Variants in KDM2B observed in about 807,000 individuals in gnomAD.
KDM2B encodes lysine demethylase 2B, also known as lysine-specific demethylase 2B.
Under a neutral mutation model 150.0 loss-of-function variants are expected in KDM2B, and 26 were observed. That is an observed-to-expected ratio of 0.17 (90% CI 0.13 to 0.24). KDM2B has a LOEUF of 0.24. Ranked by LOEUF, KDM2B falls within the 10% of genes least tolerant of loss-of-function variation. KDM2B has a pLI of 1.00. For synonymous variants in KDM2B, 734 were observed against 729.5 expected, an observed-to-expected ratio of 1.01 and a Z score of -0.10; for missense variants, 1,265 against 1,816.9, an observed-to-expected ratio of 0.70 and a Z score of 5.52.
intron 8 of KDM2B, among the ~76,000 whole-genome samples, chr12:121,527,478 C>G (rs1318313703): frequency 6.7e-6 from 1 of 149,598 alleles, no homozygotes; most frequent in Admixed American, 6.6e-5. Flanking sequence ...CGGTGAAACC[C>G]CGTCTCTACT....
At chr12:121,530,904 G>A (rs1159318079) in intron 8 of KDM2B, among the ~76,000 whole-genome samples, 3 of 152,098 alleles carry the variant, frequency 2.0e-5, no homozygotes, top group African/African-American at 4.8e-5. Context: ...GGGGTTGGGA[G>A]GGAACTTGAG....
intron 11 of KDM2B, 73 bp downstream of exon 11, chr12:121,509,494 T>G: frequency 6.4e-7 from 1 of 1,563,094 alleles, no homozygotes; most frequent in East Asian, 2.2e-5. Context: ...TGAGCTGAGC[T>G]GCACGTGTCA....
At chr12:121,505,836 A>G (rs1375256841) in intron 11 of KDM2B, among the ~76,000 whole-genome samples, 1 of 152,180 alleles carries the variant, frequency 6.6e-6, no homozygotes, top group East Asian at 1.9e-4. Context: ...GAATTGTCTC[A>G]GACCCATATT....
Position 121,442,656 on chromosome 12 carries a change from C to T in KDM2B, c.2785G>A (p.Glu929Lys), listed in dbSNP as rs1875342439. 6.2e-7 allele frequency: 1 copy of T among 1,605,170 alleles called. No individual in the cohort carries two copies. The highest frequency in any genetic ancestry group is 1.1e-5 in the South Asian group (1 of 90,408). Residue 929 changes from glutamate (E) to lysine (K), a missense_variant, in exon 19 of 23, where the codon GAG (glutamate) becomes AAG (lysine). This residue lies in a region of KDM2B where 418 missense variants were observed against 402.4 expected (regional missense o/e 1.04). Coordinates refer to ENST00000377071, the MANE Select transcript of KDM2B (RefSeq NM_032590.5). The surrounding 1 kb of genome is among the most constrained non-coding windows in gnomAD (Gnocchi z 7.7). ...CGGCGCATCTTCACCTTCTTCTTCT[C>T]CTCCGGGCCCTCGGCCCCTTCGGTG... ...PSTEGAEGPE[E>K]KKKVKMRRKR...
chr12:121,413,085 G>A, the KDM2B span, among the ~76,000 whole-genome samples: 1 of 151,696 alleles, frequency 6.6e-6, no homozygotes, highest in Admixed American at 6.6e-5. Context: ...GAGTGCAATG[G>A]TGCGATCTAG....
At chr12:121,492,306 A>C (rs1883451586) in intron 12 of KDM2B, among the ~76,000 whole-genome samples, 7 of 152,136 alleles carry the variant, frequency 4.6e-5, no homozygotes, top group Admixed American at 4.6e-4. Context: ...TAGTCATTTC[A>C]ACTACAGTTG....
At chr12:121,567,074 G>C (rs1289207003) in intron 4 of KDM2B, among the ~76,000 whole-genome samples, 2 of 151,870 alleles carry the variant, frequency 1.3e-5, no homozygotes, top group Admixed American at 6.6e-5. Context: ...TAGTAGAGAC[G>C]AGGTTTTACC....
rs782064734 is a variant in KDM2B at position 121,440,112 on chromosome 12, T to A, written c.3611-37A>T. ...GGAAGGAGGGGGCAACCCGTCAATC[T>A]GACCGAGGAGGCCTGGTCATGCTGA... On this transcript the variant is annotated intron_variant, in intron 21 of 22. Coordinates refer to ENST00000377071, the MANE Select transcript of KDM2B (RefSeq NM_032590.5). The A allele has an allele frequency of 2.6e-6, 4 of 1,517,556 alleles. No individual in the cohort carries two copies. In the Admixed American group the frequency reaches 5.8e-5, roughly 22 times the overall value. 94.0% of individuals were successfully genotyped at this position (1,517,556 alleles called of 1,614,324 possible).
intron 12 of KDM2B, among the ~76,000 whole-genome samples, chr12:121,471,499 C>A (rs1308067116): frequency 6.6e-6 from 1 of 152,124 alleles, no homozygotes; most frequent in Admixed American, 6.5e-5. Context: ...TTTGCCCAGA[C>A]TCAGCCGTGT....
chr12:121,420,266 AAC>A, the KDM2B span: 2 of 1,605,496 alleles, frequency 1.2e-6, no homozygotes, highest in Non-Finnish European at 1.7e-6. Flanking sequence ...CACTTCAGCA[AAC>A]ACAGAAGATG....
chr12:121,439,796 T>C (rs1874669513), intron 22 of KDM2B, 61 bp downstream of exon 22: 1 of 1,291,782 alleles, frequency 7.7e-7, no homozygotes, highest in Admixed American at 1.8e-5. Context: ...TTTCCACAAA[T>C]GTGAACCTCC....
chr12:121,480,958 C>T (rs1404378612), intron 12 of KDM2B, among the ~76,000 whole-genome samples: 2 of 146,058 alleles, frequency 1.4e-5, no homozygotes, highest in African/African-American at 5.2e-5. Flanking sequence ...GATGGAGTCT[C>T]GCTCTGTCGC....
chr12:121,461,696 C>T (rs1455491009), intron 12 of KDM2B, among the ~76,000 whole-genome samples: 1 of 152,046 alleles, frequency 6.6e-6, no homozygotes, highest in Non-Finnish European at 1.5e-5. Context: ...TCCAAGGGGC[C>T]CATGGGACAG....
At position 121,467,166 on chromosome 12, in the gene KDM2B, G is replaced by A. The variant is rs2139476702; in HGVS notation, c.1735-13822C>T. On this transcript the variant is annotated intron_variant, in intron 12 of 22. Transcript: ENST00000377071. This position sits in a 1 kb window ranked among gnomAD's most constrained non-coding sequence, Gnocchi z 5.1. ...CACCCCGGGCCGCCGACCTGGTCCG[G>A]CTCCGATTCATAGTCGTCGTCCTCG... The A allele has an allele frequency of 3.6e-6, 4 of 1,123,352 alleles. No homozygotes were observed. The South Asian group carries it at 5.3e-5, about 15-fold the overall frequency. The allele number at this position is 1,123,352 out of a possible 1,614,324, so 69.6% of individuals were successfully genotyped here.
chr12:121,419,356 A>G, the KDM2B span, among the ~76,000 whole-genome samples: 1 of 152,192 alleles, frequency 6.6e-6, no homozygotes, highest in Non-Finnish European at 1.5e-5. Context: ...AAAATCGCCT[A>G]AGGACACATT....
chr12:121,565,517 A>G (rs1473751250), intron 4 of KDM2B, among the ~76,000 whole-genome samples: 5 of 152,112 alleles, frequency 3.3e-5, no homozygotes, highest in African/African-American at 1.2e-4. Flanking sequence ...GAGTTTCTCC[A>G]TGTTACTCAG....
chr12:121,439,826 T>C (rs1555287721), intron 22 of KDM2B, 31 bp downstream of exon 22: 3 of 1,539,562 alleles, frequency 1.9e-6, no homozygotes, highest in Admixed American at 3.3e-5. Flanking sequence ...CACGGAGTGT[T>C]AGGCAGACCC....
intron 12 of KDM2B, among the ~76,000 whole-genome samples, chr12:121,491,180 A>C (rs1883305190): frequency 6.6e-6 from 1 of 152,138 alleles, no homozygotes. Flanking sequence ...AATGACAGAA[A>C]CCTGCACATC....
intron 11 of KDM2B, among the ~76,000 whole-genome samples, chr12:121,506,730 G>A (rs1346803603): frequency 6.6e-6 from 1 of 152,120 alleles, no homozygotes; most frequent in African/African-American, 2.4e-5. Flanking sequence ...CTGAGGTAGG[G>A]AGTTCAAGAC....
Sources: allele counts gnomAD v4.1 joint callset (sites outside exome capture counted in the v4.1 genomes callset), GRCh38; gene constraint gnomAD v4.1.1; regional missense constraint gnomAD v4.1.1; non-coding constraint Gnocchi (gnomAD v3.1); transcripts MANE v1.5; gene names NCBI Gene and HGNC (gene_info 2026-07-23, HGNC 2026-07-21).